The following NRXN3 variants were observed in gnomAD, a reference collection of about 807,000 sequenced individuals.
The protein encoded by NRXN3 is neurexin 3.
Under a neutral mutation model 137.6 loss-of-function variants are expected in NRXN3, and 32 were observed. The observed-to-expected ratio is 0.23, with a 90% CI of 0.18 to 0.31. The LOEUF (loss-of-function observed/expected upper bound fraction) is 0.31, where lower values mean the gene tolerates loss of function less well. NRXN3 is among the 10% of genes least tolerant of loss of function. NRXN3 has a pLI of 1.00. For synonymous variants in NRXN3, 798 were observed against 784.5 expected, an observed-to-expected ratio of 1.02 and a Z score of -0.29; for missense variants, 1,574 against 2,062.5, an observed-to-expected ratio of 0.76 and a Z score of 4.59.
chr14:78,322,983 G>T (rs1158445159), intron 4 of NRXN3, among the ~76,000 whole-genome samples: 1 of 151,922 alleles, frequency 6.6e-6, no homozygotes, highest in Non-Finnish European at 1.5e-5. Flanking sequence ...CTGAAATGAG[G>T]CTGGGCACCT....
chr14:79,411,254 T>G (rs929319419), intron 15 of NRXN3, among the ~76,000 whole-genome samples: 6 of 152,084 alleles, frequency 3.9e-5, no homozygotes, highest in African/African-American at 1.4e-4. Context: ...GTTTTCTAGG[T>G]TTTCTTGAGA....
intron 15 of NRXN3, among the ~76,000 whole-genome samples, chr14:79,004,311 T>C (rs1324316918): frequency 1.3e-5 from 2 of 152,206 alleles, no homozygotes; most frequent in Non-Finnish European, 2.9e-5. Flanking sequence ...AGTGGCTTGA[T>C]CTCGGCTCAC....
Position 78,450,912 on chromosome 14 carries a change from G to GGTGT in NRXN3, c.757+153068_757+153071dup, listed in dbSNP as rs147013752. 2.8e-4 allele frequency among the ~76,000 whole-genome samples: 42 copies of GGTGT among 150,278 alleles called. No individual in the cohort carries two copies. The East Asian group carries it at 3.9e-3, about 14-fold the overall frequency. ...CTGGGCTTTAGATGACGGTGTTTGG[G>GGTGT]GTGTGTGTGTGTGTGTGTGAGTGTG... On this transcript the variant is annotated intron_variant, in intron 4 of 20. Transcript: ENST00000335750.
intron 9 of NRXN3, among the ~76,000 whole-genome samples, chr14:78,804,599 A>G (rs1265814829): frequency 1.3e-5 from 2 of 152,198 alleles, no homozygotes; most frequent in Non-Finnish European, 2.9e-5. Context: ...AAAAATTATG[A>G]CTTCAAATTT....
At chr14:79,358,514 C>G (rs1376537439) in intron 15 of NRXN3, among the ~76,000 whole-genome samples, 20 of 139,380 alleles carry the variant, frequency 1.4e-4, no homozygotes, top group African/African-American at 4.9e-4. Flanking sequence ...GCGGAGCTTA[C>G]AGTGAGCAGA....
intron 20 of NRXN3, among the ~76,000 whole-genome samples, chr14:79,805,776 C>T (rs1163884875): frequency 2.6e-5 from 4 of 152,090 alleles, no homozygotes; most frequent in East Asian, 3.9e-4. Flanking sequence ...AAAACTTGTG[C>T]AACAATATAG....
rs149060800 is a variant in NRXN3, at chr14:79,161,979, C to A, written c.3262+173838C>A. The stretch of plus-strand genomic sequence containing the variant: ...TCAAAGTCTAAGAACATCTAAGCTG[C>A]GGGTTCAGGTATAAAATTAGGGCCC... On this transcript the variant is annotated intron_variant, in intron 15 of 20. Coordinates refer to ENST00000335750, the MANE Select transcript of NRXN3 (RefSeq NM_001330195.2). Among the ~76,000 whole-genome samples, 43 of 151,900 alleles carry A rather than the reference C, an allele frequency of 2.8e-4. 1 individual carries two copies. The South Asian group carries it at 4.8e-3, about 17-fold the overall frequency.
At chr14:79,547,576 C>G (rs1378745362) in intron 16 of NRXN3, among the ~76,000 whole-genome samples, 1 of 152,162 alleles carries the variant, frequency 6.6e-6, no homozygotes, top group Non-Finnish European at 1.5e-5. Context: ...CAGGTCTCTT[C>G]TCTCCAAGGA....
intron 15 of NRXN3, among the ~76,000 whole-genome samples, chr14:79,212,938 A>T (rs2067913526): frequency 6.6e-6 from 1 of 151,950 alleles, no homozygotes; most frequent in African/African-American, 2.4e-5. Context: ...ATTGGGATAG[A>T]TTACTTTCAT....
At chr14:78,305,419 C>T (rs1226912818) in intron 4 of NRXN3, among the ~76,000 whole-genome samples, 1 of 152,036 alleles carries the variant, frequency 6.6e-6, no homozygotes, top group Non-Finnish European at 1.5e-5. Flanking sequence ...AGTTCAGAAG[C>T]CCTTTTTGAT....
chr14:79,171,598 G>A (rs548163655), intron 15 of NRXN3, among the ~76,000 whole-genome samples: 2 of 152,208 alleles, frequency 1.3e-5, no homozygotes, highest in African/African-American at 4.8e-5. Flanking sequence ...AATTCCAAAT[G>A]ACAATTTGTC....
intron 4 of NRXN3, among the ~76,000 whole-genome samples, chr14:78,395,415 T>C (rs930627263): frequency 6.6e-6 from 1 of 152,000 alleles, no homozygotes; most frequent in Non-Finnish European, 1.5e-5. Context: ...ATTTCAATTA[T>C]TTTGATTTTG....
intron 4 of NRXN3, among the ~76,000 whole-genome samples, chr14:78,433,228 A>G (rs910896887): frequency 1.3e-5 from 2 of 152,064 alleles, no homozygotes; most frequent in African/African-American, 2.4e-5. Context: ...CTTAGCTCCT[A>G]AGGGTCTCTT....
intron 8 of NRXN3, among the ~76,000 whole-genome samples, chr14:78,802,549 C>G (rs2098842594): frequency 6.6e-6 from 1 of 152,146 alleles, no homozygotes. Flanking sequence ...TAAAAAAAGT[C>G]TTGGTTTTCT....
At chr14:78,782,855 A>G (rs2098774927) in intron 8 of NRXN3, among the ~76,000 whole-genome samples, 1 of 152,242 alleles carries the variant, frequency 6.6e-6, no homozygotes, top group Non-Finnish European at 1.5e-5. Flanking sequence ...CTGTACTAGT[A>G]GAGATACATA....
At chr14:79,430,634 C>T (rs1261285712) in intron 15 of NRXN3, among the ~76,000 whole-genome samples, 1 of 152,160 alleles carries the variant, frequency 6.6e-6, no homozygotes, top group African/African-American at 2.4e-5. Flanking sequence ...AGTACAAAAA[C>T]TCATTAGCAA....
At chr14:79,377,064 G>A (rs957699617) in intron 15 of NRXN3, among the ~76,000 whole-genome samples, 1 of 152,196 alleles carries the variant, frequency 6.6e-6, no homozygotes, top group African/African-American at 2.4e-5. Context: ...CTTACTCTGT[G>A]CCCAACACAA....
At chr14:78,892,816 TTTGCTAAGAA>T (rs2099163140) in intron 10 of NRXN3, among the ~76,000 whole-genome samples, 2 of 132,572 alleles carry the variant, frequency 1.5e-5, no homozygotes, top group Admixed American at 1.5e-4. Flanking sequence ...GTGTGTGGTG[TTTGCTAAGAA>T]GGAGTCACAC....
intron 15 of NRXN3, among the ~76,000 whole-genome samples, chr14:79,425,998 GGAGAGAGA>G (rs377144359): frequency 6.0e-5 from 9 of 149,468 alleles, no homozygotes; most frequent in Admixed American, 1.3e-4. Context: ...GGAGAGAAGG[GGAGAGAGA>G]GAGAGAGAGA....
Sources: allele counts gnomAD v4.1 joint callset (sites outside exome capture counted in the v4.1 genomes callset), GRCh38; gene constraint gnomAD v4.1.1; transcripts MANE v1.5; gene names NCBI Gene and HGNC (gene_info 2026-07-23, HGNC 2026-07-21).